The following TMEM74 variants were observed in gnomAD, a reference collection of about 807,000 sequenced individuals.
TMEM74 encodes transmembrane protein 74.
TMEM74 carries 13 observed loss-of-function variants against 18.1 expected under a neutral mutation model. That is an observed-to-expected ratio of 0.72 (90% CI 0.47 to 1.14). TMEM74 has a LOEUF of 1.14. Ranked by LOEUF, TMEM74 falls within the 50% of genes most tolerant of loss-of-function variation. The pLI is 0.00. For missense variants in TMEM74, 372 were observed against 375.9 expected (o/e 0.99, Z 0.09); for synonymous variants, 159 against 146.6 (o/e 1.08, Z -0.61).
intron 1 of TMEM74, among the ~76,000 whole-genome samples, chr8:108,691,242 C>G (rs1044272214): frequency 3.9e-5 from 6 of 152,230 alleles, no homozygotes; most frequent in Admixed American, 3.9e-4. Context: ...TTTCTTCCCA[C>G]AAGGAAAAGG....
intron 1 of TMEM74, among the ~76,000 whole-genome samples, chr8:108,747,236 C>CTGTG (rs111291163): frequency 0.019 from 2,868 of 150,872 alleles, 96 homozygotes; most frequent in African/African-American, 0.065. Context: ...GGGAATTGGC[C>CTGTG]TGTGTGTGTG....
rs1814303241 is a variant in TMEM74 at position 108,781,254 on chromosome 8, A to G, written c.*2927T>C. 6.6e-6 allele frequency among the ~76,000 whole-genome samples: 1 copy of G among 152,202 alleles called. No individual in the cohort carries two copies. The highest frequency in any genetic ancestry group is 6.5e-5 in the Admixed American group (1 of 15,274). On this transcript the variant is annotated 3_prime_UTR_variant, in exon 2 of 2. Coordinates refer to ENST00000297459, the MANE Select transcript of TMEM74 (RefSeq NM_153015.3). ...AACCAGCACCATATTGAAGAGACAG[A>G]CGGAAGGTCACAAATCTCCATGAAG...
At chr8:108,752,064 T>C (rs1338929066) in intron 1 of TMEM74, among the ~76,000 whole-genome samples, 2 of 152,058 alleles carry the variant, frequency 1.3e-5, no homozygotes, top group African/African-American at 2.4e-5. Flanking sequence ...AATGAATGAA[T>C]GAATGAATGA....
At chr8:108,657,468 A>G (rs148346890) in intron 1 of TMEM74, among the ~76,000 whole-genome samples, 4 of 152,172 alleles carry the variant, frequency 2.6e-5, no homozygotes, top group Non-Finnish European at 4.4e-5. Flanking sequence ...TTGGGTTTGT[A>G]AGTGCTCTGA....
chr8:108,656,332 C>T (rs1359265497), intron 1 of TMEM74, among the ~76,000 whole-genome samples: 2 of 152,260 alleles, frequency 1.3e-5, no homozygotes, highest in African/African-American at 4.8e-5. Context: ...GGCTCATAAT[C>T]GGGAAGCTCA....
At chr8:108,656,695 A>C (rs1314234595) in intron 1 of TMEM74, among the ~76,000 whole-genome samples, 3 of 152,152 alleles carry the variant, frequency 2.0e-5, no homozygotes, top group Non-Finnish European at 4.4e-5. Flanking sequence ...CACGATCATA[A>C]ATTCAGCTTA....
chr8:108,705,842 C>T (rs980273483), intron 1 of TMEM74, among the ~76,000 whole-genome samples: 2 of 152,186 alleles, frequency 1.3e-5, no homozygotes, highest in Admixed American at 1.3e-4. Flanking sequence ...ATTAGAGATG[C>T]TCACAAGAGA....
chr8:108,750,028 C>T (rs973270089), intron 1 of TMEM74, among the ~76,000 whole-genome samples: 58 of 152,164 alleles, frequency 3.8e-4, no homozygotes, highest in African/African-American at 1.3e-3. Flanking sequence ...GCTCTCTGTT[C>T]GCTAATTACT....
intron 1 of TMEM74, among the ~76,000 whole-genome samples, chr8:108,723,314 ATTAT>A (rs1813603968): frequency 6.6e-6 from 1 of 152,210 alleles, no homozygotes; most frequent in Non-Finnish European, 1.5e-5. Flanking sequence ...AATAATTTCA[ATTAT>A]TTCACAAAAT....
At chr8:108,697,598 G>A (rs1192039146) in intron 1 of TMEM74, among the ~76,000 whole-genome samples, 1 of 151,900 alleles carries the variant, frequency 6.6e-6, no homozygotes, top group African/African-American at 2.4e-5. Flanking sequence ...TTTATTTTTT[G>A]TAGAGACAGA....
At chr8:108,682,256 G>C (rs1156679725) in intron 1 of TMEM74, among the ~76,000 whole-genome samples, 1 of 151,722 alleles carries the variant, frequency 6.6e-6, no homozygotes, top group Non-Finnish European at 1.5e-5. Context: ...TCATCTCCAG[G>C]CTTTTGCATA....
intron 1 of TMEM74, among the ~76,000 whole-genome samples, chr8:108,724,918 T>C (rs1813620355): frequency 6.6e-6 from 1 of 152,204 alleles, no homozygotes; most frequent in Admixed American, 6.5e-5. Flanking sequence ...TCTGATGGCT[T>C]CCCAATCCTC....
intron 3 of TMEM74, among the ~76,000 whole-genome samples, chr8:108,608,007 T>C (rs74499580): frequency 0.027 from 4,104 of 152,126 alleles, 184 homozygotes; most frequent in African/African-American, 0.095. Flanking sequence ...ATGTAGGCTA[T>C]GTAGAGAACT....
At chr8:108,689,698 G>T (rs2130606146) in intron 1 of TMEM74, among the ~76,000 whole-genome samples, 1 of 152,140 alleles carries the variant, frequency 6.6e-6, no homozygotes, top group East Asian at 1.9e-4. Context: ...ATGTCCATTT[G>T]TGCGACCAAC....
intron 1 of TMEM74, among the ~76,000 whole-genome samples, chr8:108,748,856 T>C (rs1196811361): frequency 6.6e-6 from 1 of 152,162 alleles, no homozygotes; most frequent in East Asian, 1.9e-4. Flanking sequence ...TAGACAATCC[T>C]TTCCCCATTG....
chr8:108,745,739 G>C (rs2130649154), intron 1 of TMEM74, among the ~76,000 whole-genome samples: 1 of 152,250 alleles, frequency 6.6e-6, no homozygotes, highest in South Asian at 2.1e-4. Flanking sequence ...GAAAGAAGAA[G>C]TAAAAACTAA....
chr8:108,616,039 C>T (rs1037502211), intron 2 of TMEM74, among the ~76,000 whole-genome samples: 2 of 152,082 alleles, frequency 1.3e-5, no homozygotes, highest in Admixed American at 1.3e-4. Context: ...CCTGCCCTGG[C>T]CTCCCAAAGT....
chr8:108,677,645 A>T (rs1326773277), intron 1 of TMEM74, among the ~76,000 whole-genome samples: 1 of 152,070 alleles, frequency 6.6e-6, no homozygotes, highest in Non-Finnish European at 1.5e-5. Context: ...GAAATGCCTC[A>T]AACTCCAGCT....
rs1456110706 is a variant in TMEM74, at chr8:108,694,089, CT to C, written n.120-38653del. On this transcript the variant is annotated intron_variant and non_coding_transcript_variant, in intron 1 of 3. Coordinates refer to the TMEM74 transcript ENST00000518838. ...AGAATGTATAGTGGTGAAGTCAGGGCTTTTAGCTTATCCATCACCTGAACAA... is the reference window on the plus strand; with the variant it reads ...AGAATGTATAGTGGTGAAGTCAGGGCTTTAGCTTATCCATCACCTGAACAA... 2.0e-5 allele frequency among the ~76,000 whole-genome samples: 3 copies of C among 152,320 alleles called. No individual in the cohort carries two copies. The East Asian group carries it at 5.8e-4, about 29-fold the overall frequency.
Sources: gnomAD v4.1 joint callset for allele counts (sites outside exome capture counted in the v4.1 genomes callset) on GRCh38, gnomAD v4.1.1 for gene constraint, MANE v1.5 for transcripts, NCBI Gene and HGNC (gene_info 2026-07-23, HGNC 2026-07-21) for gene names.